COL5A1: variants seen among roughly 807,000 people sequenced by gnomAD.
COL5A1 encodes the protein collagen alpha-1(V) chain.
Under a neutral mutation model 263.7 loss-of-function variants are expected in COL5A1, and 16 were observed. The ratio of observed to expected loss-of-function variants is 0.06; its 90% CI spans 0.04 to 0.09. COL5A1 has a LOEUF of 0.09. COL5A1 is among the 10% of genes least tolerant of loss of function. COL5A1 has a pLI of 1.00. For missense variants in COL5A1, 2,036 were observed against 2,540.5 expected (o/e 0.80, Z 4.27); for synonymous variants, 1,012 against 1,004.5 (o/e 1.01, Z -0.14).
chr9:134,674,225 G>A (rs1832625627), intron 1 of COL5A1, among the ~76,000 whole-genome samples: 5 of 152,150 alleles, frequency 3.3e-5, no homozygotes, highest in Admixed American at 3.3e-4. Flanking sequence ...GAGCACTCAT[G>A]TGCTGTGTTA....
At chr9:134,772,912 C>T in intron 26 of COL5A1, 78 bp downstream of exon 26, 1 of 1,409,004 alleles carries the variant, frequency 7.1e-7, no homozygotes, top group East Asian at 2.3e-5. Context: ...AGCCTCTGCT[C>T]AGGGACATCC....
chr9:134,783,331 C>T (rs951931868), intron 29 of COL5A1, among the ~76,000 whole-genome samples: 2 of 152,118 alleles, frequency 1.3e-5, no homozygotes, highest in Admixed American at 6.5e-5. Flanking sequence ...CAGAGAAAGC[C>T]GGTGGGTGCT....
chr9:134,742,292 A>G lies in COL5A1; in HGVS notation c.1494+3484A>G, dbSNP rs994337840. On this transcript the variant is annotated intron_variant, in intron 11 of 65. Coordinates refer to ENST00000371817, the MANE Select transcript of COL5A1 (RefSeq NM_000093.5). This position sits in a 1 kb window ranked among gnomAD's most constrained non-coding sequence, Gnocchi z 4.6. ...GAGGCACAGAAGTGGGGCCTGCCTT[A>G]AGAAACTCACCGTCCAGTGAGGAAG... Among the ~76,000 whole-genome samples, 7 of 150,902 alleles carry G rather than the reference A, an allele frequency of 4.6e-5. No individual in the cohort carries two copies. The highest frequency in any genetic ancestry group is 1.7e-4 in the African/African-American group (7 of 40,952).
chr9:134,818,392 T>G lies in COL5A1; in HGVS notation c.4231-264T>G, dbSNP rs536407433. Among the ~76,000 whole-genome samples, 33 of 152,228 alleles carry G rather than the reference T, an allele frequency of 2.2e-4. No homozygotes were observed. The highest frequency in any genetic ancestry group is 7.7e-4 in the African/African-American group (32 of 41,544). Reference sequence around the variant, plus strand: ...GGAGGTTGTGCGGTTCCATCCCTGCTCGGGCAGTGGCGCTGTGACACCCGG... The same window carrying G: ...GGAGGTTGTGCGGTTCCATCCCTGCGCGGGCAGTGGCGCTGTGACACCCGG... On this transcript the variant is annotated intron_variant, in intron 54 of 65. Transcript: ENST00000371817. This position sits in a 1 kb window ranked among gnomAD's most constrained non-coding sequence, Gnocchi z 6.0.
Position 134,835,002 on chromosome 9 carries a change from T to C in COL5A1, c.5168T>C (p.Val1723Ala), listed in dbSNP as rs1244206584. Residue 1723 changes from valine to alanine, a missense_variant, in exon 65 of 66, where the codon GTG becomes GCG. By Grantham distance (64) the Val-to-Ala change is moderately conservative (BLOSUM62 0). This residue lies in a region of COL5A1 where 358 missense variants were observed against 384.6 expected (regional missense o/e 0.93). Transcript: ENST00000371817. The part of the protein sequence containing the change: ...LSYVDAEGNP[V>A]GVVQMTFLRL... The stretch of plus-strand genomic sequence containing the variant: ...TATGTGGACGCCGAGGGCAACCCTG[T>C]GGGTGTGGTACAGATGACCTTCCTG... 3 of 1,613,722 alleles carry C rather than the reference T, an allele frequency of 1.9e-6. No individual in the cohort carries two copies. The highest frequency in any genetic ancestry group is 2.5e-6 in the Non-Finnish European group (3 of 1,179,984).
At chr9:134,834,251 C>T (rs747558849) in intron 64 of COL5A1, among the ~76,000 whole-genome samples, 1 of 152,176 alleles carries the variant, frequency 6.6e-6, no homozygotes, top group Non-Finnish European at 1.5e-5. Context: ...ACCCAGCGAT[C>T]GGGTGCAGAG....
rs946662214 is a variant in COL5A1, at chr9:134,700,893, C to A, written c.492-278C>A. On this transcript the variant is annotated intron_variant, in intron 3 of 65. Transcript: ENST00000371817. This position sits in a 1 kb window ranked among gnomAD's most constrained non-coding sequence, Gnocchi z 4.0. ...GAGCCAGTGCCGAGTGCTGTGTGCT[C>A]CCCCTTCCCCCTTTCACTTGGGCTC... 2.0e-5 allele frequency among the ~76,000 whole-genome samples: 3 copies of A among 152,180 alleles called. No homozygotes were observed. The highest frequency in any genetic ancestry group is 4.4e-5 in the Non-Finnish European group (3 of 68,042).
Position 134,647,044 on chromosome 9 carries a change from T to G in COL5A1, c.109+4748T>G, listed in dbSNP as rs1378360320. Among the ~76,000 whole-genome samples the G allele has an allele frequency of 1.3e-5, 2 of 152,184 alleles. No homozygotes were observed. Among genetic ancestry groups the G allele is most frequent in the Non-Finnish European group, 2.9e-5 (2 of 68,028 alleles). On this transcript the variant is annotated intron_variant, in intron 1 of 65. Coordinates refer to ENST00000371817, the MANE Select transcript of COL5A1 (RefSeq NM_000093.5). This position sits in a 1 kb window ranked among gnomAD's most constrained non-coding sequence, Gnocchi z 5.0. ...CCTGACCTGTACTCGGCACTGGCTG[T>G]GTGGGGACGTTACCATCGCCCCCAT...
intron 9 of COL5A1, among the ~76,000 whole-genome samples, chr9:134,737,883 G>A (rs1022978623): frequency 3.9e-5 from 6 of 152,180 alleles, no homozygotes; most frequent in Admixed American, 2.6e-4. Flanking sequence ...GGCTGAGTGG[G>A]CAGGTGGACA....
rs1175521387 is a variant in COL5A1, at chr9:134,680,993, C to T, written c.110-9919C>T. On this transcript the variant is annotated intron_variant, in intron 1 of 65. Transcript: ENST00000371817. The surrounding 1 kb of genome is among the most constrained non-coding windows in gnomAD (Gnocchi z 5.9). ...TCTGCCATCCTCCCAGGATGGTGTC[C>T]TCGGCCTGTGCTGCAGCCCCAGGCC... Among the ~76,000 whole-genome samples the T allele has an allele frequency of 6.6e-6, 1 of 152,162 alleles. No homozygotes were observed. Among genetic ancestry groups the T allele is most frequent in the African/African-American group, 2.4e-5 (1 of 41,424 alleles).
intron 34 of COL5A1, 112 bp downstream of exon 34, chr9:134,795,427 A>G (rs1426668808): frequency 8.9e-6 from 8 of 894,830 alleles, no homozygotes; most frequent in East Asian, 5.2e-5. Context: ...AAAAAAAAAA[A>G]GGCAGGACAT....
At position 134,700,519 on chromosome 9, in the gene COL5A1, G is replaced by T. The variant is rs1407190060; in HGVS notation, c.491+397G>T. Among the ~76,000 whole-genome samples the T allele has an allele frequency of 6.6e-6, 1 of 152,126 alleles. No individual in the cohort carries two copies. The highest frequency in any genetic ancestry group is 1.5e-5 in the Non-Finnish European group (1 of 68,018). On this transcript the variant is annotated intron_variant, in intron 3 of 65. Coordinates refer to ENST00000371817, the MANE Select transcript of COL5A1 (RefSeq NM_000093.5). This position sits in a 1 kb window ranked among gnomAD's most constrained non-coding sequence, Gnocchi z 4.0. ...GTGGGAGTGAGCATGAGAAAAAGCG[G>T]GTCGTGCCAGCACGCTCTGTTGGGT...
intron 1 of COL5A1, among the ~76,000 whole-genome samples, chr9:134,688,493 C>T (rs1028091973): frequency 2.0e-5 from 3 of 152,202 alleles, no homozygotes; most frequent in Admixed American, 1.3e-4. Context: ...TGGCACTCAG[C>T]GTTTCTTCTC....
chr9:134,833,692 G>A (rs1839737850), intron 64 of COL5A1, among the ~76,000 whole-genome samples: 1 of 152,188 alleles, frequency 6.6e-6, no homozygotes. Context: ...CCTCCCCTGA[G>A]CACCTCACTA....
At position 134,809,179 on chromosome 9, in the gene COL5A1, C is replaced by G. The variant is rs1411238332; in HGVS notation, c.3367-4C>G. The G allele has an allele frequency of 1.3e-6, 2 of 1,571,540 alleles. No individual in the cohort carries two copies. Among genetic ancestry groups the G allele is most frequent in the South Asian group, 1.2e-5 (1 of 85,676 alleles). On this transcript the variant is annotated splice_region_variant and splice_polypyrimidine_tract_variant and intron_variant, in intron 42 of 65. Coordinates refer to ENST00000371817, the MANE Select transcript of COL5A1 (RefSeq NM_000093.5). ...TTTGACCTGAGATCTTCTGTATTCT[C>G]TAGGGCGAGAAAGGCCCACAAGGCC... is the stretch of plus-strand genomic sequence containing the variant.
chr9:134,768,459 C>T lies in COL5A1; in HGVS notation c.2282C>T (p.Pro761Leu), dbSNP rs150434732. 2 of 1,613,822 alleles carry T rather than the reference C, an allele frequency of 1.2e-6. No individual in the cohort carries two copies. Among genetic ancestry groups the T allele is most frequent in the African/African-American group, 1.3e-5 (1 of 74,880 alleles). ...CCAGGAATGCCCGGTGCTGACGGAC[C>T]CCCGGTGAGTAGCCCTGCCCACCTC... ...GLPGMPGADG[P>L]PGHPGKEGPP... The change falls in exon 25 of 66, where the codon CCC (proline) becomes CTC (leucine). Residue 761 changes from proline (P) to leucine (L), a missense_variant. By Grantham distance (98) the Pro-to-Leu change is moderately conservative (BLOSUM62 -3). Transcript: ENST00000371817.
intron 1 of COL5A1, among the ~76,000 whole-genome samples, chr9:134,654,418 TGGA>T (rs1414705177): frequency 1.1e-5 from 1 of 88,708 alleles, no homozygotes; most frequent in African/African-American, 4.4e-5. Context: ...TGTGTAGGGC[TGGA>T]GGTGTGTAGG....
intron 30 of COL5A1, 150 bp from the exon 31 acceptor site, chr9:134,785,845 A>G: frequency 1.4e-6 from 1 of 729,228 alleles, no homozygotes; most frequent in Non-Finnish European, 2.5e-6. Context: ...TAGGGCAGGC[A>G]GGGCTTCTGC....
At chr9:134,679,356 C>G (rs1305749088) in intron 1 of COL5A1, among the ~76,000 whole-genome samples, 1 of 97,140 alleles carries the variant, frequency 1.0e-5, no homozygotes, top group Non-Finnish European at 1.9e-5. Flanking sequence ...CACTGCAGAG[C>G]TAGTTGGGGG....
Sources: allele counts gnomAD v4.1 joint callset (sites outside exome capture counted in the v4.1 genomes callset), GRCh38; gene constraint gnomAD v4.1.1; regional missense constraint gnomAD v4.1.1; non-coding constraint Gnocchi (gnomAD v3.1); transcripts MANE v1.5; gene names NCBI Gene and HGNC (gene_info 2026-07-23, HGNC 2026-07-21).